ZC3H12B: variants seen among roughly 807,000 people sequenced by gnomAD.
ZC3H12B encodes zinc finger CCCH-type containing 12B.
In ZC3H12B, 7 loss-of-function variants were observed where a neutral mutation model predicts 43.9. The observed-to-expected ratio is 0.16, with a 90% CI of 0.09 to 0.30. The LOEUF (loss-of-function observed/expected upper bound fraction) is 0.30. Ranked by LOEUF, ZC3H12B falls within the 10% of genes least tolerant of loss-of-function variation. ZC3H12B has a pLI of 1.00. For missense variants in ZC3H12B, 475 were observed against 670.2 expected, an observed-to-expected ratio of 0.71 and a Z score of 3.22; for synonymous variants, 222 against 241.7, an observed-to-expected ratio of 0.92 and a Z score of 0.76.
chrX:65,404,321 G>A (rs1217018064), intron 3 of ZC3H12B, among the ~76,000 whole-genome samples: 3 of 106,859 alleles, frequency 2.8e-5, no homozygotes, highest in Non-Finnish European at 3.8e-5. Flanking sequence ...AAGAAATAAC[G>A]CCAAAAAACA....
At chrX:65,231,136 T>A in the ZC3H12B span, among the ~76,000 whole-genome samples, 1 of 110,907 alleles carries the variant, frequency 9.0e-6, no homozygotes, top group African/African-American at 3.3e-5. Context: ...CATCACATAT[T>A]GGTAGGACCA....
At chrX:65,227,124 A>ACC in the ZC3H12B span, among the ~76,000 whole-genome samples, 48 of 111,580 alleles carry the variant, frequency 4.3e-4, no homozygotes, top group African/African-American at 1.6e-3. Context: ...TTGACCACAT[A>ACC]GTTGGAAGTA....
At chrX:65,364,574 C>CCCCACTGAAACTTCT (rs2066148874), upstream of ZC3H12B, among the ~76,000 whole-genome samples, 1 of 110,732 alleles carries the variant, frequency 9.0e-6, no homozygotes, top group African/African-American at 3.3e-5. Flanking sequence ...CGGTCACTTC[C>CCCCACTGAAACTTCT]ACCTATCAGT....
At chrX:65,500,526 T>G (rs775071391) in intron 4 of ZC3H12B, among the ~76,000 whole-genome samples, 5 of 111,413 alleles carry the variant, frequency 4.5e-5, no homozygotes, top group Non-Finnish European at 9.4e-5. Context: ...TTCCCGGGTT[T>G]AAGCGATTCT....
the ZC3H12B span, among the ~76,000 whole-genome samples, chrX:65,348,869 G>A: frequency 9.0e-6 from 1 of 111,223 alleles, no homozygotes; most frequent in African/African-American, 3.3e-5. Context: ...GATTCATAGA[G>A]CTAGTTCTTA....
chrX:65,450,715 G>GTA (rs1188743506), intron 3 of ZC3H12B, among the ~76,000 whole-genome samples: 2 of 9,750 alleles, frequency 2.1e-4, no homozygotes, highest in East Asian at 4.7e-3. Context: ...ATATGTATAT[G>GTA]TATACATATG....
the ZC3H12B span, among the ~76,000 whole-genome samples, chrX:65,132,406 C>T: frequency 1.3e-3 from 146 of 110,106 alleles, no homozygotes; most frequent in African/African-American, 4.5e-3. Context: ...TGGCATTGAG[C>T]GGAGTAAGGG....
At chrX:65,173,884 C>A in the ZC3H12B span, among the ~76,000 whole-genome samples, 1 of 111,064 alleles carries the variant, frequency 9.0e-6, no homozygotes, top group East Asian at 2.8e-4. Context: ...TTTGTTATGT[C>A]TCTGATTTTT....
At chrX:65,352,656 T>C in the ZC3H12B span, among the ~76,000 whole-genome samples, 1 of 111,193 alleles carries the variant, frequency 9.0e-6, no homozygotes, top group Admixed American at 9.6e-5. Context: ...TCCTTATGTT[T>C]CCCAGATGCT....
the ZC3H12B span, chrX:65,271,155 G>T: frequency 4.5e-5 from 5 of 112,295 alleles, no homozygotes; most frequent in Admixed American, 9.4e-5. Flanking sequence ...GCTGTCTAAG[G>T]CTCCAAGATA....
At chrX:65,116,399 T>G in the ZC3H12B span, among the ~76,000 whole-genome samples, 3 of 111,148 alleles carry the variant, frequency 2.7e-5, no homozygotes, top group Admixed American at 2.9e-4. Flanking sequence ...TCTGTTCCAT[T>G]GGTCTATGTG....
At chrX:65,455,194 G>T (rs748795323) in intron 3 of ZC3H12B, among the ~76,000 whole-genome samples, 143 of 112,182 alleles carry the variant, frequency 1.3e-3, no homozygotes, top group Non-Finnish European at 2.3e-3. Flanking sequence ...AAAGGAGGAA[G>T]TTTGAACCCA....
Position 65,382,033 on chromosome X carries a change from A to T in ZC3H12B, n.295+13035A>T, listed in dbSNP as rs2066448684. ...GATTCTACCAGAGGTACAAGGAGGAACTGGTACCATTCCTTCTGAAACTAT... is the reference window on the plus strand; with the variant it reads ...GATTCTACCAGAGGTACAAGGAGGATCTGGTACCATTCCTTCTGAAACTAT... On this transcript the variant is annotated intron_variant and non_coding_transcript_variant, in intron 2 of 5. Coordinates refer to the ZC3H12B transcript ENST00000617377. Among the ~76,000 whole-genome samples the T allele has an allele frequency of 2.7e-5, 3 of 112,005 alleles. No individual in the cohort carries two copies. The South Asian group carries it at 1.1e-3, about 42-fold the overall frequency.
the ZC3H12B span, among the ~76,000 whole-genome samples, chrX:65,354,539 C>T: frequency 1.8e-5 from 2 of 111,580 alleles, no homozygotes; most frequent in Admixed American, 1.9e-4. Context: ...TTCCAAAAAG[C>T]AGAATGCCTC....
In ZC3H12B at chrX:65,489,420, T is replaced by C. The variant is rs780420155; in HGVS notation, c.608+11T>C. On this transcript the variant is annotated intron_variant, in intron 1 of 4. Coordinates refer to ENST00000338957, the Ensembl canonical transcript of ZC3H12B. ...TAATGTGGCAATGAGGTAAGCCTGGTATGTTTTTTTCTCCCATTTTAAAAA... is the reference window on the plus strand; with the variant it reads ...TAATGTGGCAATGAGGTAAGCCTGGCATGTTTTTTTCTCCCATTTTAAAAA... The C allele has an allele frequency of 8.6e-7, 1 of 1,163,030 alleles. No individual in the cohort carries two copies. Among genetic ancestry groups the C allele is most frequent in the East Asian group, 3.0e-5 (1 of 33,380 alleles).
the ZC3H12B span, among the ~76,000 whole-genome samples, chrX:65,181,146 A>AT: frequency 3.6e-5 from 4 of 111,818 alleles, no homozygotes; most frequent in African/African-American, 1.3e-4. Context: ...AAAACAAGCA[A>AT]TGGGAAAAGG....
the ZC3H12B span, among the ~76,000 whole-genome samples, chrX:65,163,184 G>T: frequency 9.9e-5 from 11 of 111,175 alleles, no homozygotes; most frequent in African/African-American, 3.3e-4. Context: ...CCTACTGGGG[G>T]GTGCCTCCCA....
chrX:65,466,502 G>A (rs1462886397), intron 3 of ZC3H12B, among the ~76,000 whole-genome samples: 7 of 109,584 alleles, frequency 6.4e-5, no homozygotes, highest in Admixed American at 5.9e-4. Context: ...CTTTATCTCA[G>A]CTATTGTGAA....
intron 3 of ZC3H12B, among the ~76,000 whole-genome samples, chrX:65,410,417 G>T (rs1460325558): frequency 9.0e-6 from 1 of 111,659 alleles, no homozygotes; most frequent in Admixed American, 9.5e-5. Flanking sequence ...AGAATTTTTT[G>T]AACAATATCC....
Sources: allele counts gnomAD v4.1 joint callset (sites outside exome capture counted in the v4.1 genomes callset), GRCh38; gene constraint gnomAD v4.1.1; transcripts MANE v1.5; gene names NCBI Gene and HGNC (gene_info 2026-07-23, HGNC 2026-07-21).